The following CYFIP2 variants were observed in gnomAD, a reference collection of about 807,000 sequenced individuals.
The protein encoded by CYFIP2 is cytoplasmic FMR1-interacting protein 2.
A neutral mutation model predicts 158.7 loss-of-function variants in CYFIP2; 29 were observed. The observed-to-expected ratio is 0.18, with a 90% CI of 0.14 to 0.25. CYFIP2 has a LOEUF of 0.25. Ranked by LOEUF, CYFIP2 falls within the 10% of genes least tolerant of loss-of-function variation. The pLI, the probability that CYFIP2 is intolerant of heterozygous loss-of-function variation, is 1.00. For missense variants in CYFIP2, 852 were observed against 1,639.5 expected, an observed-to-expected ratio of 0.52 and a Z score of 8.29; for synonymous variants, 585 against 617.6, an observed-to-expected ratio of 0.95 and a Z score of 0.78.
At chr5:157,282,754 G>T (rs1001221402) in intron 1 of CYFIP2, among the ~76,000 whole-genome samples, 6 of 152,134 alleles carry the variant, frequency 3.9e-5, no homozygotes, top group African/African-American at 1.4e-4. Flanking sequence ...CCATAGTCTT[G>T]CCAACAGCAT....
intron 8 of CYFIP2, among the ~76,000 whole-genome samples, chr5:157,307,135 G>A (rs1443917571): frequency 7.2e-5 from 11 of 152,152 alleles, no homozygotes; most frequent in Non-Finnish European, 1.5e-4. Flanking sequence ...GCAAATTCAG[G>A]AAGAGATTTT....
Position 157,279,141 on chromosome 5 carries a change from G to A in CYFIP2, c.-23-6198G>A, listed in dbSNP as rs138615785. On this transcript the variant is annotated intron_variant, in intron 1 of 30. Transcript: ENST00000620254. ...TTGACATGTCTTTGCTGGCTACTGTGTTAAGTATTCTACATGCTGTAGTTA... is the reference window on the plus strand; with the variant it reads ...TTGACATGTCTTTGCTGGCTACTGTATTAAGTATTCTACATGCTGTAGTTA... Among the ~76,000 whole-genome samples, 296 of 152,292 alleles carry A rather than the reference G, an allele frequency of 1.9e-3. 1 individual carries two copies. The highest frequency in any genetic ancestry group is 6.6e-3 in the African/African-American group (274 of 41,556).
At chr5:157,303,033 A>G (rs1399303594) in intron 7 of CYFIP2, 143 bp downstream of exon 7, 3 of 649,408 alleles carry the variant, frequency 4.6e-6, no homozygotes, top group Non-Finnish European at 7.9e-6. Context: ...AGTGAAATGT[A>G]GCTGAGGACT....
At chr5:157,365,644 A>T (rs781159873) in intron 26 of CYFIP2, 1 of 152,002 alleles carries the variant, frequency 6.6e-6, no homozygotes, top group Admixed American at 6.6e-5. Context: ...CAGAACATTT[A>T]TAGTACCATA....
chr5:157,287,173 C>A, intron 3 of CYFIP2, 65 bp downstream of exon 3: 1 of 1,310,386 alleles, frequency 7.6e-7, no homozygotes. Flanking sequence ...CCGCGGGCAG[C>A]TTCTCACACC....
chr5:157,318,680 C>T (rs1337619612), intron 13 of CYFIP2, among the ~76,000 whole-genome samples: 1 of 152,136 alleles, frequency 6.6e-6, no homozygotes, highest in Non-Finnish European at 1.5e-5. Flanking sequence ...ATGTGTCTGC[C>T]CACCATGGAC....
At chr5:157,366,160 G>A (rs1218472814) in intron 26 of CYFIP2, among the ~76,000 whole-genome samples, 1 of 152,092 alleles carries the variant, frequency 6.6e-6, no homozygotes, top group African/African-American at 2.4e-5. Context: ...TGGGGGGGCT[G>A]TCATGTTTCA....
chr5:157,293,325 G>A (rs969686647), intron 3 of CYFIP2, among the ~76,000 whole-genome samples: 1 of 152,128 alleles, frequency 6.6e-6, no homozygotes, highest in African/African-American at 2.4e-5. Context: ...CAAAGTGCTA[G>A]GATTACAGGT....
At chr5:157,285,306 A>G in intron 1 of CYFIP2, 33 bp from the exon 2 acceptor site, 1 of 1,461,900 alleles carries the variant, frequency 6.8e-7, no homozygotes, top group Non-Finnish European at 9.4e-7. Context: ...GGCCCCTGAA[A>G]TTCTCCACTG....
intron 21 of CYFIP2, 78 bp downstream of exon 21, chr5:157,333,524 C>CT: frequency 6.3e-7 from 1 of 1,598,176 alleles, no homozygotes; most frequent in Non-Finnish European, 8.6e-7. Context: ...TGTAGTTAGT[C>CT]TAGTGCTGGG....
chr5:157,379,693 A>C (rs1222462644), intron 26 of CYFIP2, among the ~76,000 whole-genome samples: 3 of 142,816 alleles, frequency 2.1e-5, no homozygotes, highest in African/African-American at 5.2e-5. Context: ...AAAAAAAAAA[A>C]CCCACACCAG....
chr5:157,301,527 T>C (rs1004047578), intron 6 of CYFIP2, among the ~76,000 whole-genome samples: 2 of 152,174 alleles, frequency 1.3e-5, no homozygotes, highest in Non-Finnish European at 2.9e-5. Context: ...TTTGATCAGC[T>C]TGAGTCATAT....
chr5:157,282,791 C>T (rs963481774), intron 1 of CYFIP2, among the ~76,000 whole-genome samples: 11 of 152,158 alleles, frequency 7.2e-5, no homozygotes, highest in South Asian at 4.1e-4. Context: ...GGATTTGAGT[C>T]GATCTAATCA....
chr5:157,316,418 T>C (rs1204013738), intron 13 of CYFIP2, among the ~76,000 whole-genome samples: 1 of 152,210 alleles, frequency 6.6e-6, no homozygotes, highest in Non-Finnish European at 1.5e-5. Context: ...TTTTATATAT[T>C]TGTGCAAAAC....
intron 23 of CYFIP2, among the ~76,000 whole-genome samples, chr5:157,351,417 T>C (rs1411896777): frequency 6.6e-6 from 1 of 152,224 alleles, no homozygotes; most frequent in Admixed American, 6.5e-5. Context: ...ATATGCTCAT[T>C]GTACATAAAT....
At chr5:157,312,691 G>T (rs1426092596) in intron 11 of CYFIP2, among the ~76,000 whole-genome samples, 1 of 152,162 alleles carries the variant, frequency 6.6e-6, no homozygotes, top group Admixed American at 6.5e-5. Flanking sequence ...CTGAAATGGG[G>T]ACTGTCTGAC....
At chr5:157,374,779 C>CA (rs1447636385) in intron 26 of CYFIP2, among the ~76,000 whole-genome samples, 1 of 152,184 alleles carries the variant, frequency 6.6e-6, no homozygotes, top group East Asian at 1.9e-4. Context: ...GGTCTCTATT[C>CA]CAATTAAATT....
rs1763827264 is a variant in CYFIP2, at chr5:157,361,571, C to T, written c.3012C>T (p.Leu1004=). ...QSLREVGNAI[L]FCLLIEQALS... Reference sequence around the variant, plus strand: ...TGAGGGAAGTGGGCAATGCCATCCTCTTCTGCCTCCTCATAGAGCAAGCTC... The same window carrying T: ...TGAGGGAAGTGGGCAATGCCATCCTTTTCTGCCTCCTCATAGAGCAAGCTC... Residue 1004 remains leucine, a synonymous_variant, in exon 26 of 31, where the codon CTC becomes CTT. Coordinates refer to ENST00000620254, the MANE Select transcript of CYFIP2 (RefSeq NM_001037333.3). The surrounding 1 kb of genome is among the most constrained non-coding windows in gnomAD (Gnocchi z 4.4). 3 of 1,613,980 alleles carry T rather than the reference C, an allele frequency of 1.9e-6. No individual in the cohort carries two copies. The highest frequency in any genetic ancestry group is 2.5e-6 in the Non-Finnish European group (3 of 1,179,900).
intron 30 of CYFIP2, 34 bp from the exon 31 acceptor site, chr5:157,392,799 C>T (rs1343390929): frequency 6.2e-7 from 1 of 1,607,850 alleles, no homozygotes; most frequent in Admixed American, 1.7e-5. Context: ...CCACTTTGTC[C>T]TGCCCTAACT....
Sources: allele counts gnomAD v4.1 joint callset (sites outside exome capture counted in the v4.1 genomes callset), GRCh38; gene constraint gnomAD v4.1.1; non-coding constraint Gnocchi (gnomAD v3.1); transcripts MANE v1.5; gene names NCBI Gene and HGNC (gene_info 2026-07-23, HGNC 2026-07-21).